The following ATXN7L1 variants were observed in gnomAD, a reference collection of about 807,000 sequenced individuals.
The protein encoded by ATXN7L1 is ataxin-7-like protein 1.
A neutral mutation model predicts 70.8 loss-of-function variants in ATXN7L1; 15 were observed. The ratio of observed to expected loss-of-function variants is 0.21; its 90% CI spans 0.14 to 0.33. The LOEUF is 0.33. Among genes scored for constraint, ATXN7L1 ranks in the 10% least tolerant of loss-of-function variants. ATXN7L1 has a pLI of 1.00. For missense variants in ATXN7L1, 975 were observed against 1,097.1 expected (o/e 0.89, Z 1.57); for synonymous variants, 440 against 445.1 (o/e 0.99, Z 0.14).
At chr7:105,873,147 C>G (rs1818524537) in intron 2 of ATXN7L1, among the ~76,000 whole-genome samples, 1 of 123,716 alleles carries the variant, frequency 8.1e-6, no homozygotes, top group Non-Finnish European at 1.6e-5. Flanking sequence ...GAGCAAGACT[C>G]CGTCTCAAAA....
intron 2 of ATXN7L1, among the ~76,000 whole-genome samples, chr7:105,851,786 A>G (rs1814921761): frequency 6.6e-6 from 1 of 152,214 alleles, no homozygotes; most frequent in Non-Finnish European, 1.5e-5. Context: ...AACCATCCCC[A>G]GGAGAAATGT....
intron 9 of ATXN7L1, among the ~76,000 whole-genome samples, chr7:105,619,526 ATATATTTTTTTTTTTTT>A (rs1478404557): frequency 1.5e-3 from 24 of 16,388 alleles, no homozygotes; most frequent in East Asian, 0.01. Context: ...ATATATATAT[ATATATTTTTTTTTTTTT>A]TTTTTTTTTT....
intron 3 of ATXN7L1, among the ~76,000 whole-genome samples, chr7:105,774,388 G>C (rs532100308): frequency 8.2e-4 from 114 of 139,404 alleles, no homozygotes; most frequent in African/African-American, 3.1e-3. Context: ...GTCTCCCTCT[G>C]TCACTCAGGC....
intron 3 of ATXN7L1, chr7:105,761,205 C>G (rs142316159): frequency 2.1e-6 from 3 of 1,432,816 alleles, no homozygotes; most frequent in Non-Finnish European, 2.7e-6. Context: ...TGCTCAAGCC[C>G]ATTTCCTTAC....
chr7:105,628,275 T>G (rs1283576611), intron 7 of ATXN7L1, among the ~76,000 whole-genome samples: 2 of 152,140 alleles, frequency 1.3e-5, no homozygotes, highest in Non-Finnish European at 2.9e-5. Context: ...AATAAGTAAC[T>G]GTTAAAGCAA....
rs112889531 is a variant in ATXN7L1 at position 105,819,901 on chromosome 7, G to C, written c.251-31193C>G. 6.8e-5 allele frequency: 37 copies of C among 546,178 alleles called. No individual in the cohort carries two copies. The East Asian group carries it at 7.7e-4, about 11-fold the overall frequency. The allele number at this position is 546,178 out of a possible 1,614,324, so 33.8% of individuals were successfully genotyped here. ...GAAGCCTACAAGAAACTTTGCCTACGTGGGGCGCCTGGCTCACGAGGTTTG... is the reference window on the plus strand; with the variant it reads ...GAAGCCTACAAGAAACTTTGCCTACCTGGGGCGCCTGGCTCACGAGGTTTG... On this transcript the variant is annotated intron_variant, in intron 2 of 11. Transcript: ENST00000419735.
chr7:105,868,871 A>T (rs1817857117), intron 2 of ATXN7L1, among the ~76,000 whole-genome samples: 1 of 152,202 alleles, frequency 6.6e-6, no homozygotes. Context: ...TTAGAAGGCA[A>T]ATTATCATAT....
At chr7:105,691,864 C>T (rs1042371762) in intron 3 of ATXN7L1, among the ~76,000 whole-genome samples, 4 of 152,274 alleles carry the variant, frequency 2.6e-5, no homozygotes, top group East Asian at 1.9e-4. Context: ...TTTGACTACA[C>T]GCACTTGTTA....
intron 3 of ATXN7L1, among the ~76,000 whole-genome samples, chr7:105,733,542 C>T (rs1584870096): frequency 1.1e-5 from 1 of 90,714 alleles, no homozygotes; most frequent in Non-Finnish European, 2.3e-5. Flanking sequence ...ATCCATCCAC[C>T]CATCCATCCA....
At chr7:105,821,652 A>G (rs1416342753) in intron 2 of ATXN7L1, among the ~76,000 whole-genome samples, 1 of 152,242 alleles carries the variant, frequency 6.6e-6, no homozygotes, top group Non-Finnish European at 1.5e-5. Context: ...AGCAATCTGA[A>G]TTTGATTGTG....
At chr7:105,783,419 A>T (rs1803821522) in intron 3 of ATXN7L1, among the ~76,000 whole-genome samples, 1 of 152,068 alleles carries the variant, frequency 6.6e-6, no homozygotes, top group Non-Finnish European at 1.5e-5. Flanking sequence ...GGATCTCTGG[A>T]GTGTCTTTTT....
chr7:105,876,505 T>C lies in ATXN7L1; in HGVS notation c.54A>G (p.Gly18=), dbSNP rs769745572. The change falls in exon 1 of 12, where the codon GGA becomes GGG. Residue 18 remains glycine, a synonymous_variant. Transcript: ENST00000419735. The part of the protein sequence containing the change: ...IPCLSAAAAE[G]TGKKQQEGRA... ...TTCCTTCTTGTTGCTTTTTCCCTGT[T>C]CCTTCGGCAGCAGCAGCCGAGAGAC... 3.1e-6 allele frequency: 5 copies of C among 1,612,632 alleles called. No individual in the cohort carries two copies. The highest frequency in any genetic ancestry group is 3.4e-6 in the Non-Finnish European group (4 of 1,179,500).
intron 5 of ATXN7L1, 58 bp from the exon 6 acceptor site, chr7:105,639,627 A>T: frequency 1.6e-6 from 2 of 1,230,010 alleles, no homozygotes; most frequent in Non-Finnish European, 2.3e-6. Context: ...AGGATTTGGC[A>T]TTAAGACTAC....
rs371103911 is a variant in ATXN7L1, at chr7:105,632,796, C to T, written c.1202+5557G>A. ...ATTAGCCAGGGGCAGTGGCTTGCACCTGTAGTCCCAGGTACTTGGGAGACT... is the reference window on the plus strand; with the variant it reads ...ATTAGCCAGGGGCAGTGGCTTGCACTTGTAGTCCCAGGTACTTGGGAGACT... On this transcript the variant is annotated intron_variant, in intron 7 of 11. Coordinates refer to ENST00000419735, the MANE Select transcript of ATXN7L1 (RefSeq NM_020725.2). Among the ~76,000 whole-genome samples the T allele has an allele frequency of 6.2e-4, 94 of 151,906 alleles. No individual in the cohort carries two copies. In the South Asian group the frequency reaches 0.017, roughly 27 times the overall value.
At chr7:105,654,084 C>A (rs2115996185) in intron 4 of ATXN7L1, among the ~76,000 whole-genome samples, 1 of 152,276 alleles carries the variant, frequency 6.6e-6, no homozygotes, top group Middle Eastern at 3.4e-3. Context: ...CTGGAATTAT[C>A]CCAGCAGCCT....
intron 3 of ATXN7L1, among the ~76,000 whole-genome samples, chr7:105,738,707 G>C (rs552578941): frequency 1.3e-5 from 2 of 152,154 alleles, no homozygotes; most frequent in Non-Finnish European, 2.9e-5. Flanking sequence ...CCCTCTGCAC[G>C]GTATCTGTGC....
chr7:105,618,028 C>A, intron 9 of ATXN7L1: 2 of 456,758 alleles, frequency 4.4e-6, no homozygotes, highest in Non-Finnish European at 8.8e-6. Context: ...TGCTCAGTGA[C>A]AGCAGATTGG....
intron 11 of ATXN7L1, among the ~76,000 whole-genome samples, chr7:105,609,136 T>C (rs1043429977): frequency 6.6e-6 from 1 of 151,868 alleles, no homozygotes; most frequent in African/African-American, 2.4e-5. Flanking sequence ...TTTGAGAGAG[T>C]GCTGATGGAC....
intron 2 of ATXN7L1, among the ~76,000 whole-genome samples, chr7:105,801,885 G>A (rs1352564597): frequency 6.6e-6 from 1 of 152,138 alleles, no homozygotes; most frequent in Non-Finnish European, 1.5e-5. Flanking sequence ...TCTTCAGAGA[G>A]CCAGTGTATT....
Sources: gnomAD v4.1 joint callset for allele counts (sites outside exome capture counted in the v4.1 genomes callset) on GRCh38, gnomAD v4.1.1 for gene constraint, MANE v1.5 for transcripts, NCBI Gene and HGNC (gene_info 2026-07-23, HGNC 2026-07-21) for gene names.